NBAS: variants seen among roughly 807,000 people sequenced by gnomAD.
NBAS encodes the protein NAG/BC035112 fusion.
NBAS carries 219 observed loss-of-function variants against 302.5 expected under a neutral mutation model. That is an observed-to-expected ratio of 0.72 (90% CI 0.65 to 0.81). NBAS has a LOEUF of 0.81. Among genes scored for constraint, NBAS ranks in the 30% least tolerant of loss-of-function variants. The probability of loss-of-function intolerance (pLI) is 0.00; values close to 1 mark genes in which losing one functional copy is unlikely to be tolerated. For synonymous variants in NBAS, 1,118 were observed against 1,021.6 expected, an observed-to-expected ratio of 1.09 and a Z score of -1.80; for missense variants, 2,932 against 2,841.6, an observed-to-expected ratio of 1.03 and a Z score of -0.72.
chr2:14,957,343 G>A, the NBAS span, among the ~76,000 whole-genome samples: 52 of 151,268 alleles, frequency 3.4e-4, 1 homozygote, highest in Non-Finnish European at 5.9e-4. Flanking sequence ...GAAATGCAAT[G>A]TAATTTTTTC....
At chr2:15,475,516 AT>A (rs1203897560) in intron 14 of NBAS, among the ~76,000 whole-genome samples, 170 bp downstream of exon 14, 1 of 152,144 alleles carries the variant, frequency 6.6e-6, no homozygotes, top group Non-Finnish European at 1.5e-5. Context: ...ATAATTGCAA[AT>A]TTTTTTATTC....
intron 31 of NBAS, among the ~76,000 whole-genome samples, chr2:15,372,160 A>T (rs188029070): frequency 6.6e-6 from 1 of 152,216 alleles, no homozygotes; most frequent in Non-Finnish European, 1.5e-5. Flanking sequence ...GACTTACCCT[A>T]TTATAGAAAT....
the NBAS span, among the ~76,000 whole-genome samples, chr2:15,048,355 G>C: frequency 1.8e-4 from 28 of 152,328 alleles, no homozygotes; most frequent in Middle Eastern, 3.4e-3. Context: ...GTGGGAAACA[G>C]CCGCATCTTT....
At chr2:15,118,244 A>G in the NBAS span, among the ~76,000 whole-genome samples, 6 of 152,142 alleles carry the variant, frequency 3.9e-5, no homozygotes, top group African/African-American at 1.2e-4. Context: ...ACAGTCATCA[A>G]TCAGGGATTT....
chr2:15,106,451 GTCTCTCTC>G, the NBAS span, among the ~76,000 whole-genome samples: 23 of 147,792 alleles, frequency 1.6e-4, no homozygotes, highest in Admixed American at 5.4e-4. Context: ...CTCTGTCTCT[GTCTCTCTC>G]TCTCTCTCTC....
At chr2:15,469,303 A>G (rs974389053) in intron 16 of NBAS, among the ~76,000 whole-genome samples, 5 of 152,134 alleles carry the variant, frequency 3.3e-5, no homozygotes, top group Admixed American at 6.5e-5. Context: ...TAGGGTGTCA[A>G]TTTTAGATCT....
rs1553326777 is a variant in NBAS at position 15,500,540 on chromosome 2, A to AC, written c.954+3604_954+3605insG. On this transcript the variant is annotated intron_variant, in intron 11 of 51. Coordinates refer to ENST00000281513, the MANE Select transcript of NBAS (RefSeq NM_015909.4). ...CACACACACACACACACACACACAC[A>AC]AAATTAGAAATCTATCCTTCAAATC... Among the ~76,000 whole-genome samples, 38 of 150,422 alleles carry AC rather than the reference A, an allele frequency of 2.5e-4. 1 individual carries two copies. The South Asian group carries it at 2.7e-3, about 11-fold the overall frequency.
At chr2:15,427,888 T>A (rs1474302727) in intron 21 of NBAS, 94 bp from the exon 22 acceptor site, 12 of 889,094 alleles carry the variant, frequency 1.3e-5, no homozygotes, top group Non-Finnish European at 2.0e-5. Flanking sequence ...CTCTATAACA[T>A]TAATATCTAA....
the NBAS span, among the ~76,000 whole-genome samples, chr2:15,105,282 T>C: frequency 6.6e-6 from 1 of 151,950 alleles, no homozygotes; most frequent in Non-Finnish European, 1.5e-5. Context: ...AGGGGAGGGA[T>C]AATATTAGGA....
At chr2:14,784,585 C>T in the NBAS span, among the ~76,000 whole-genome samples, 5 of 152,130 alleles carry the variant, frequency 3.3e-5, no homozygotes, top group Non-Finnish European at 7.3e-5. Context: ...ATCCTTTCCC[C>T]ATTGCTTGTT....
chr2:15,490,384 A>G (rs1157401675), intron 11 of NBAS, among the ~76,000 whole-genome samples: 1 of 152,196 alleles, frequency 6.6e-6, no homozygotes, highest in Non-Finnish European at 1.5e-5. Context: ...TAATCCCAGA[A>G]TCCCACAATT....
chr2:15,464,751 A>G (rs1164819439), intron 19 of NBAS, among the ~76,000 whole-genome samples: 2 of 152,256 alleles, frequency 1.3e-5, no homozygotes, highest in South Asian at 2.1e-4. Flanking sequence ...CAAAAATTCA[A>G]TTCAACTACT....
the NBAS span, among the ~76,000 whole-genome samples, chr2:14,967,820 G>A: frequency 6.6e-6 from 1 of 152,214 alleles, no homozygotes. Flanking sequence ...TAAGGGACTT[G>A]TATGCAGACA....
intron 9 of NBAS, among the ~76,000 whole-genome samples, chr2:15,513,758 G>T (rs1263095336): frequency 6.6e-6 from 1 of 151,978 alleles, no homozygotes; most frequent in Non-Finnish European, 1.5e-5. Flanking sequence ...GGAAGACAAG[G>T]TGGGAGGATT....
chr2:15,433,893 G>T (rs978703423), intron 21 of NBAS, among the ~76,000 whole-genome samples: 1 of 151,756 alleles, frequency 6.6e-6, no homozygotes, highest in Non-Finnish European at 1.5e-5. Context: ...GAGCCCAGGA[G>T]TTTGAGACCA....
chr2:14,880,909 G>T, the NBAS span, among the ~76,000 whole-genome samples: 2 of 149,010 alleles, frequency 1.3e-5, no homozygotes, highest in Non-Finnish European at 3.0e-5. Flanking sequence ...GAAAATAAAA[G>T]GAATTTTATG....
chr2:15,098,478 G>GTTATGTA, the NBAS span, among the ~76,000 whole-genome samples: 2 of 56,188 alleles, frequency 3.6e-5, no homozygotes, highest in African/African-American at 2.2e-4. Context: ...TATATAATAT[G>GTTATGTA]TTATATATTG....
chr2:15,163,204 T>A (rs539925040), downstream of NBAS, among the ~76,000 whole-genome samples: 1 of 152,210 alleles, frequency 6.6e-6, no homozygotes, highest in South Asian at 2.1e-4. Context: ...CATGTGAGAA[T>A]AGGGCGAAGA....
At chr2:15,122,439 A>C in the NBAS span, among the ~76,000 whole-genome samples, 3 of 152,166 alleles carry the variant, frequency 2.0e-5, no homozygotes, top group Non-Finnish European at 4.4e-5. Flanking sequence ...TCGCATGTGA[A>C]CTAATTGAGC....
Sources: gnomAD v4.1 joint callset for allele counts (sites outside exome capture counted in the v4.1 genomes callset) on GRCh38, gnomAD v4.1.1 for gene constraint, MANE v1.5 for transcripts, NCBI Gene and HGNC (gene_info 2026-07-23, HGNC 2026-07-21) for gene names.